The following SYT14 variants were observed in gnomAD, a reference collection of about 807,000 sequenced individuals.
The protein encoded by SYT14 is synaptotagmin-14.
In SYT14, 32 loss-of-function variants were observed where a neutral mutation model predicts 74.2. The ratio of observed to expected loss-of-function variants is 0.43; its 90% CI spans 0.33 to 0.58. The LOEUF (loss-of-function observed/expected upper bound fraction) is 0.58. Among genes scored for constraint, SYT14 ranks in the 20% least tolerant of loss-of-function variants. The pLI, the probability that SYT14 is intolerant of heterozygous loss-of-function variation, is 0.05. For synonymous variants in SYT14, 298 were observed against 337.7 expected (o/e 0.88, Z 1.29); for missense variants, 791 against 981.8 (o/e 0.81, Z 2.60).
At chr1:210,026,642 A>ACACACACC (rs1483338264) in intron 5 of SYT14, among the ~76,000 whole-genome samples, 1 of 148,834 alleles carries the variant, frequency 6.7e-6, no homozygotes, top group Non-Finnish European at 1.5e-5. Context: ...ACACACACAC[A>ACACACACC]CTCACCCCTA....
chr1:210,151,510 C>CCG (rs1053285864), intron 7 of SYT14, among the ~76,000 whole-genome samples: 2 of 139,102 alleles, frequency 1.4e-5, no homozygotes, highest in Admixed American at 1.4e-4. Flanking sequence ...GAATGCCCCC[C>CCG]CCCTTTTTTT....
At chr1:210,044,051 T>C (rs1274857294) in intron 5 of SYT14, among the ~76,000 whole-genome samples, 1 of 152,168 alleles carries the variant, frequency 6.6e-6, no homozygotes, top group Admixed American at 6.5e-5. Context: ...ATCTTTTAAT[T>C]TCTAGCAGTA....
At chr1:210,035,999 A>G (rs1468579462) in intron 5 of SYT14, among the ~76,000 whole-genome samples, 1 of 151,992 alleles carries the variant, frequency 6.6e-6, no homozygotes, top group African/African-American at 2.4e-5. Flanking sequence ...TTTGTGTAGT[A>G]TGGTCATTTT....
intron 2 of SYT14, among the ~76,000 whole-genome samples, chr1:209,961,912 C>T (rs2079081183): frequency 6.6e-6 from 1 of 152,048 alleles, no homozygotes; most frequent in South Asian, 2.1e-4. Context: ...AAACAGTTTG[C>T]TGATCTCTGA....
intron 2 of SYT14, among the ~76,000 whole-genome samples, chr1:209,999,347 A>G (rs2079852236): frequency 6.6e-6 from 1 of 152,124 alleles, no homozygotes; most frequent in Admixed American, 6.5e-5. Flanking sequence ...CAGTATGGAG[A>G]TATCTCAAAA....
chr1:210,028,575 C>T (rs909404819), intron 5 of SYT14, among the ~76,000 whole-genome samples: 1 of 152,136 alleles, frequency 6.6e-6, no homozygotes, highest in Non-Finnish European at 1.5e-5. Flanking sequence ...TCCCCAGTTT[C>T]GTCTGTGTTA....
intron 1 of SYT14, among the ~76,000 whole-genome samples, chr1:209,940,289 C>T (rs946805769): frequency 3.9e-5 from 6 of 151,966 alleles, no homozygotes; most frequent in Non-Finnish European, 8.8e-5. Flanking sequence ...TTTAGGGGCC[C>T]AAAAGGGCGT....
At chr1:210,101,166 C>A (rs1294082180) in intron 7 of SYT14, among the ~76,000 whole-genome samples, 6 of 152,094 alleles carry the variant, frequency 3.9e-5, no homozygotes, top group Non-Finnish European at 8.8e-5. Flanking sequence ...AATGTCTGCA[C>A]TGTTTATTTA....
intron 7 of SYT14, among the ~76,000 whole-genome samples, chr1:210,142,264 T>C (rs1421648644): frequency 2.0e-5 from 3 of 151,978 alleles, no homozygotes; most frequent in Admixed American, 1.3e-4. Context: ...GGGGAGAGGG[T>C]AATGGGAATA....
chr1:210,073,009 TAAA>T (rs11299416), intron 5 of SYT14, among the ~76,000 whole-genome samples: 19 of 144,220 alleles, frequency 1.3e-4, no homozygotes, highest in Non-Finnish European at 9.2e-5. Flanking sequence ...TTGCAATCTG[TAAA>T]AAAAAAAAAA....
chr1:210,121,666 C>A (rs533332119), intron 7 of SYT14, among the ~76,000 whole-genome samples: 11 of 151,566 alleles, frequency 7.3e-5, no homozygotes. Context: ...TGGTGGCGGG[C>A]GCCTGTAGTC....
At chr1:210,066,258 G>C (rs1371375704) in intron 5 of SYT14, among the ~76,000 whole-genome samples, 1 of 151,806 alleles carries the variant, frequency 6.6e-6, no homozygotes, top group South Asian at 2.1e-4. Context: ...GGGATGGCTG[G>C]GTCAAATGGT....
chr1:210,047,195 G>A lies in SYT14; in HGVS notation c.1312+25941G>A, dbSNP rs569646275. 2.0e-4 allele frequency among the ~76,000 whole-genome samples: 30 copies of A among 152,054 alleles called. No individual in the cohort carries two copies. The East Asian group carries it at 5.8e-3, about 29-fold the overall frequency. On this transcript the variant is annotated intron_variant, in intron 5 of 9. Coordinates refer to ENST00000637265, the Ensembl canonical transcript of SYT14. ...TAGATTTATTATTAGAAATTTTTATGAAAAGGATAAAGGTGGCCTTATTCA... is the reference window on the plus strand; with the variant it reads ...TAGATTTATTATTAGAAATTTTTATAAAAAGGATAAAGGTGGCCTTATTCA...
intron 2 of SYT14, among the ~76,000 whole-genome samples, chr1:209,984,136 A>G (rs2079534258): frequency 6.6e-6 from 1 of 152,218 alleles, no homozygotes; most frequent in Non-Finnish European, 1.5e-5. Context: ...TCTGTTCTTC[A>G]GGGAAATGCC....
chr1:210,084,457 G>T (rs2081680100), intron 5 of SYT14, among the ~76,000 whole-genome samples: 1 of 152,160 alleles, frequency 6.6e-6, no homozygotes, highest in South Asian at 2.1e-4. Flanking sequence ...TGTCTCATGT[G>T]TGTATCTTAA....
intron 5 of SYT14, among the ~76,000 whole-genome samples, chr1:210,092,553 A>G (rs911771626): frequency 6.6e-6 from 1 of 152,226 alleles, no homozygotes; most frequent in Non-Finnish European, 1.5e-5. Context: ...TACCTACCAC[A>G]TAAATGGATC....
chr1:210,100,546 A>T, intron 7 of SYT14, 85 bp downstream of exon 6: 1 of 1,364,184 alleles, frequency 7.3e-7, no homozygotes, highest in Non-Finnish European at 1.0e-6. Flanking sequence ...AATCAAGCCA[A>T]CAAGTTTGTC....
At chr1:210,093,019 G>A (rs972911777) in intron 5 of SYT14, among the ~76,000 whole-genome samples, 1 of 152,156 alleles carries the variant, frequency 6.6e-6, no homozygotes, top group African/African-American at 2.4e-5. Flanking sequence ...GTATTTGAAA[G>A]GGAATGGTGG....
At chr1:210,100,182 C>T (rs1415636724) in exon 7 of SYT14, 4 of 1,613,910 alleles carry the variant, frequency 2.5e-6, no homozygotes, top group Non-Finnish European at 3.4e-6. Context: ...GGACAGGTGG[C>T]AACTCATGGC....
Sources: gnomAD v4.1 joint callset for allele counts (sites outside exome capture counted in the v4.1 genomes callset) on GRCh38, gnomAD v4.1.1 for gene constraint, MANE v1.5 for transcripts, NCBI Gene and HGNC (gene_info 2026-07-23, HGNC 2026-07-21) for gene names.